IGF2R: variants seen among roughly 807,000 people sequenced by gnomAD.
IGF2R encodes insulin like growth factor 2 receptor, also known as cation-independent mannose-6-phosphate receptor.
A neutral mutation model predicts 270.6 loss-of-function variants in IGF2R; 91 were observed. The observed-to-expected ratio is 0.34, with a 90% CI of 0.28 to 0.40. The LOEUF is 0.40. Ranked by LOEUF, IGF2R falls within the 10% of genes least tolerant of loss-of-function variation. The pLI is 1.00. For synonymous variants in IGF2R, 1,316 were observed against 1,258.9 expected (o/e 1.05, Z -0.96); for missense variants, 2,805 against 3,188.3 (o/e 0.88, Z 2.90).
chr6:159,980,460 TC>T (rs902818658), intron 1 of IGF2R, among the ~76,000 whole-genome samples: 2 of 152,178 alleles, frequency 1.3e-5, no homozygotes, highest in African/African-American at 4.8e-5. Context: ...CACTGGGACC[TC>T]CCTAGGCTGT....
chr6:160,067,325 C>T (rs1214748831), intron 29 of IGF2R, among the ~76,000 whole-genome samples: 1 of 152,154 alleles, frequency 6.6e-6, no homozygotes, highest in Non-Finnish European at 1.5e-5. Context: ...TCGGTCACGC[C>T]TTCTCTGGCT....
intron 26 of IGF2R, 28 bp from the exon 27 acceptor site, chr6:160,063,387 G>A (rs1044852786): frequency 6.5e-7 from 1 of 1,546,156 alleles, no homozygotes; most frequent in Non-Finnish European, 8.9e-7. Flanking sequence ...GGTTGCAGTT[G>A]CCCTTCACTT....
chr6:159,972,381 A>G (rs375123416), intron 1 of IGF2R, among the ~76,000 whole-genome samples: 1 of 152,294 alleles, frequency 6.6e-6, no homozygotes, highest in South Asian at 2.1e-4. Flanking sequence ...GTGTTTTTCC[A>G]TTGATAGTAT....
intron 43 of IGF2R, 47 bp from the exon 44 acceptor site, chr6:160,089,869 C>T: frequency 1.5e-6 from 2 of 1,375,346 alleles, no homozygotes; most frequent in Middle Eastern, 2.6e-4. Context: ...TCATGAATGC[C>T]TTCTTGAAGG....
chr6:160,064,647 AAAAT>A, intron 28 of IGF2R, 116 bp downstream of exon 28: 1 of 1,254,108 alleles, frequency 8.0e-7, no homozygotes, highest in South Asian at 1.3e-5. Flanking sequence ...AACTGAGTTT[AAAAT>A]AACCATTTAC....
intron 1 of IGF2R, among the ~76,000 whole-genome samples, chr6:159,981,094 C>A (rs375051719): frequency 6.6e-6 from 1 of 152,182 alleles, no homozygotes; most frequent in African/African-American, 2.4e-5. Context: ...CTCCTGGGAA[C>A]GCCACACCCT....
At chr6:159,969,661 C>T (rs1304366588) in intron 1 of IGF2R, among the ~76,000 whole-genome samples, 4 of 152,122 alleles carry the variant, frequency 2.6e-5, no homozygotes, top group Non-Finnish European at 5.9e-5. Context: ...GTCGCTGAGT[C>T]GGGGGTGGCT....
intron 30 of IGF2R, among the ~76,000 whole-genome samples, chr6:160,069,193 T>C (rs1778659895): frequency 6.6e-6 from 1 of 152,106 alleles, no homozygotes; most frequent in African/African-American, 2.4e-5. Flanking sequence ...CAAGGGCACC[T>C]CCAGGGATCT....
chr6:160,005,984 GC>G, intron 2 of IGF2R: 1 of 157,614 alleles, frequency 6.3e-6, no homozygotes, highest in Non-Finnish European at 1.4e-5. Flanking sequence ...GCCTCGCCGC[GC>G]CCCTCGCCTC....
At position 160,106,125 on chromosome 6, in the gene IGF2R, AATC is replaced by A. The variant is rs1488842744; in HGVS notation, c.*1044_*1046del. 6.6e-6 allele frequency: 1 copy of A among 152,530 alleles called. No homozygotes were observed. Among genetic ancestry groups the A allele is most frequent in the Non-Finnish European group, 1.5e-5 (1 of 68,064 alleles). 9.4% of individuals were successfully genotyped at this position (152,530 alleles called of 1,614,324 possible). ...TGTGACTTACAGAAACTGCATGAAA[AATC>A]ATGGGCCAGAGCCTCGGCCCTAGCA... On this transcript the variant is annotated 3_prime_UTR_variant, in exon 48 of 48. Coordinates refer to ENST00000356956, the MANE Select transcript of IGF2R (RefSeq NM_000876.4).
chr6:160,066,365 G>A (rs1045641600), intron 29 of IGF2R, among the ~76,000 whole-genome samples: 3 of 152,084 alleles, frequency 2.0e-5, no homozygotes, highest in African/African-American at 7.2e-5. Flanking sequence ...GGCCAGGCTG[G>A]TCTTGAACTG....
intron 45 of IGF2R, among the ~76,000 whole-genome samples, chr6:160,100,063 TAAATCCCCAAAGAAGACAAGC>T (rs1369906228): frequency 2.6e-5 from 4 of 152,048 alleles, no homozygotes; most frequent in African/African-American, 9.7e-5. Flanking sequence ...TAAAAATACT[TAAATCCCCAAAGAAGACAAGC>T]AAGGAGAAAA....
intron 2 of IGF2R, among the ~76,000 whole-genome samples, chr6:159,995,603 G>T (rs186332985): frequency 6.6e-6 from 1 of 152,130 alleles, no homozygotes; most frequent in East Asian, 1.9e-4. Context: ...TTTTCTGCTG[G>T]TCTAGTCTGC....
Position 160,004,086 on chromosome 6 carries a change from A to T in IGF2R, c.290-4924A>T, listed in dbSNP as rs1784173467. The T allele has an allele frequency of 6.7e-6, 1 of 148,540 alleles. No homozygotes were observed. Among genetic ancestry groups the T allele is most frequent in the Non-Finnish European group, 1.5e-5 (1 of 66,818 alleles). The allele number at this position is 148,540 out of a possible 1,614,324, so 9.2% of individuals were successfully genotyped here. A position where few individuals can be genotyped will look rare whatever the true frequency, so the allele number is the denominator to read the frequency against. On this transcript the variant is annotated intron_variant, in intron 2 of 47. Coordinates refer to ENST00000356956, the MANE Select transcript of IGF2R (RefSeq NM_000876.4). This position sits in a 1 kb window ranked among gnomAD's most constrained non-coding sequence, Gnocchi z 5.2. Reference sequence around the variant, plus strand: ...CTGGAGGTTAAAAAATTGGATGAGTATTTTTTTTTTTAATTTGGCAAAATA... The same window carrying T: ...CTGGAGGTTAAAAAATTGGATGAGTTTTTTTTTTTTTAATTTGGCAAAATA...
intron 2 of IGF2R, among the ~76,000 whole-genome samples, chr6:159,999,087 T>G (rs1784091318): frequency 6.6e-6 from 1 of 152,106 alleles, no homozygotes; most frequent in African/African-American, 2.4e-5. Flanking sequence ...AAAGAAACAT[T>G]TAATACGGAC....
chr6:160,089,222 A>G lies in IGF2R; in HGVS notation c.6436A>G (p.Lys2146Glu), dbSNP rs1179489832. The G allele has an allele frequency of 3.1e-6, 5 of 1,611,632 alleles. No homozygotes were observed. The highest frequency in any genetic ancestry group is 4.2e-6 in the Non-Finnish European group (5 of 1,178,176). The change falls in exon 43 of 48, where the codon AAG (lysine) becomes GAG (glutamate). Residue 2146 changes from lysine to glutamate, a missense_variant. By Grantham distance (56) the Lys-to-Glu change is moderately conservative. Around this residue, in one of 2 missense-constraint regions of IGF2R, gnomAD observed 1,851 missense variants for 2,207.2 expected, o/e 0.84. Coordinates refer to ENST00000356956, the MANE Select transcript of IGF2R (RefSeq NM_000876.4). ...NGTITNPING[K>E]SFSLGDIYFK... ...GACCATCACCAACCCTATAAATGGC[A>G]AGAGCTTCAGCCTCGGAGATATTTA...
Position 160,058,121 on chromosome 6 carries a change from T to C in IGF2R, c.2895T>C (p.Phe965=). The change falls in exon 21 of 48, where the codon TTT becomes TTC. Residue 965 remains phenylalanine (F), a synonymous_variant. Coordinates refer to ENST00000356956, the MANE Select transcript of IGF2R (RefSeq NM_000876.4). ...ACGTCTCTGGCATTGGGAAGATTTT[T>C]ATGGTAAGAGCGATATGATGCATTT... is the stretch of plus-strand genomic sequence containing the variant. ...GYNVSGIGKI[F]MFNVCGTMPV... The C allele has an allele frequency of 1.3e-6, 2 of 1,598,744 alleles. No homozygotes were observed. Among genetic ancestry groups the C allele is most frequent in the Non-Finnish European group, 1.7e-6 (2 of 1,165,974 alleles).
intron 3 of IGF2R, among the ~76,000 whole-genome samples, chr6:160,009,990 A>G (rs1358483051): frequency 6.6e-6 from 1 of 152,260 alleles, no homozygotes; most frequent in Non-Finnish European, 1.5e-5. Flanking sequence ...GAGACCCAAA[A>G]AAGAATCTGT....
chr6:160,029,027 A>G (rs1777630895), intron 6 of IGF2R, among the ~76,000 whole-genome samples: 1 of 152,160 alleles, frequency 6.6e-6, no homozygotes, highest in African/African-American at 2.4e-5. Context: ...TGTGTCACGT[A>G]GGCTGGAGTG....
Sources: gnomAD v4.1 joint callset for allele counts (sites outside exome capture counted in the v4.1 genomes callset) on GRCh38, gnomAD v4.1.1 for gene constraint, gnomAD v4.1.1 regional missense constraint, Gnocchi (gnomAD v3.1) non-coding constraint, MANE v1.5 for transcripts, NCBI Gene and HGNC (gene_info 2026-07-23, HGNC 2026-07-21) for gene names.